The following RPS6KA2 variants were observed in gnomAD, a reference collection of about 807,000 sequenced individuals.
The protein encoded by RPS6KA2 is ribosomal protein S6 kinase alpha-2.
In RPS6KA2, 42 loss-of-function variants were observed where a neutral mutation model predicts 91.8. That is an observed-to-expected ratio of 0.46 (90% CI 0.36 to 0.59). The LOEUF (loss-of-function observed/expected upper bound fraction) is 0.59, where lower values mean the gene tolerates loss of function less well. RPS6KA2 is among the 20% of genes least tolerant of loss of function. The pLI is 0.00. For missense variants in RPS6KA2, 798 were observed against 978.5 expected, an observed-to-expected ratio of 0.82 and a Z score of 2.46; for synonymous variants, 414 against 393.6, an observed-to-expected ratio of 1.05 and a Z score of -0.61.
chr6:166,731,657 G>A (rs567698007), intron 2 of RPS6KA2, among the ~76,000 whole-genome samples: 1 of 152,116 alleles, frequency 6.6e-6, no homozygotes, highest in South Asian at 2.1e-4. Context: ...CCATTCCTCA[G>A]GAGGTAAATG....
At chr6:166,528,562 A>G (rs372060500) in intron 3 of RPS6KA2, among the ~76,000 whole-genome samples, 2 of 150,404 alleles carry the variant, frequency 1.3e-5, no homozygotes, top group South Asian at 2.2e-4. Context: ...AGCCAAAATT[A>G]ACAAATGGGA....
chr6:166,431,967 C>T lies in RPS6KA2; in HGVS notation c.1422+434G>A, dbSNP rs117143004. Among the ~76,000 whole-genome samples the T allele has an allele frequency of 8.2e-3, 1,255 of 152,252 alleles. 7 individuals are homozygous for T. Among genetic ancestry groups the T allele is most frequent in the Non-Finnish European group, 0.015 (1,003 of 68,010 alleles). On this transcript the variant is annotated intron_variant, in intron 15 of 20. Coordinates refer to ENST00000265678, the MANE Select transcript of RPS6KA2 (RefSeq NM_021135.6). ...TTATGCCAAGCTTGCATGTTAAGAC[C>T]GTTTGCACGCAGCAGTCACTATGCA... is the stretch of plus-strand genomic sequence containing the variant.
At chr6:166,587,357 A>G (rs1241976541) in intron 1 of RPS6KA2, among the ~76,000 whole-genome samples, 1 of 152,226 alleles carries the variant, frequency 6.6e-6, no homozygotes, top group Non-Finnish European at 1.5e-5. Flanking sequence ...GAAATGTACC[A>G]TCAAAATCAG....
intron 2 of RPS6KA2, among the ~76,000 whole-genome samples, chr6:166,697,018 G>A (rs1283785200): frequency 6.6e-6 from 1 of 151,980 alleles, no homozygotes; most frequent in African/African-American, 2.4e-5. Flanking sequence ...ATAGTTGTAC[G>A]AACCAATTCC....
At chr6:166,627,323 G>A, upstream of RPS6KA2, 1 of 729,264 alleles carries the variant, frequency 1.4e-6, no homozygotes, top group Non-Finnish European at 1.7e-6. Flanking sequence ...CCGCCGCTCC[G>A]CGCCCCGGCA....
chr6:166,823,716 C>A (rs1334025346), intron 2 of RPS6KA2, among the ~76,000 whole-genome samples: 1 of 152,220 alleles, frequency 6.6e-6, no homozygotes, highest in East Asian at 1.9e-4. Context: ...AGAAACTATG[C>A]AGTACAATGA....
intron 1 of RPS6KA2, among the ~76,000 whole-genome samples, chr6:166,540,720 C>G (rs921468038): frequency 6.6e-6 from 1 of 152,122 alleles, no homozygotes; most frequent in African/African-American, 2.4e-5. Context: ...CCATGCTAGC[C>G]ACCCGAGACT....
chr6:166,537,200 T>A (rs1247935092), intron 2 of RPS6KA2, among the ~76,000 whole-genome samples: 1 of 152,284 alleles, frequency 6.6e-6, no homozygotes, highest in East Asian at 1.9e-4. Context: ...ACAGGTGGAA[T>A]CTGTTCTCAA....
intron 2 of RPS6KA2, among the ~76,000 whole-genome samples, chr6:166,538,105 G>A (rs1333545656): frequency 2.0e-5 from 3 of 152,134 alleles, no homozygotes; most frequent in South Asian, 2.1e-4. Flanking sequence ...GGTGGGATTC[G>A]TGCCCTATTT....
At chr6:166,567,755 C>G (rs904773765) in intron 1 of RPS6KA2, among the ~76,000 whole-genome samples, 1 of 152,188 alleles carries the variant, frequency 6.6e-6, no homozygotes, top group African/African-American at 2.4e-5. Context: ...AAAACCTGTT[C>G]GGAGGAAACC....
At chr6:166,673,958 A>G (rs1788550708) in intron 2 of RPS6KA2, among the ~76,000 whole-genome samples, 1 of 152,180 alleles carries the variant, frequency 6.6e-6, no homozygotes, top group African/African-American at 2.4e-5. Context: ...AGCCATGAAC[A>G]TTTTCTCCTC....
intron 19 of RPS6KA2, among the ~76,000 whole-genome samples, chr6:166,416,682 C>T (rs1583103594): frequency 2.6e-5 from 1 of 38,300 alleles, no homozygotes. Flanking sequence ...TCCCTGCTCC[C>T]ACCATTACCT....
At chr6:166,564,487 C>T (rs1757476273) in intron 1 of RPS6KA2, among the ~76,000 whole-genome samples, 2 of 152,226 alleles carry the variant, frequency 1.3e-5, no homozygotes, top group African/African-American at 2.4e-5. Flanking sequence ...CATTCCCTGT[C>T]CGCCCCACGC....
At chr6:166,458,054 G>A (rs1780160065) in intron 12 of RPS6KA2, among the ~76,000 whole-genome samples, 1 of 152,206 alleles carries the variant, frequency 6.6e-6, no homozygotes, top group African/African-American at 2.4e-5. Flanking sequence ...CATACTGTTA[G>A]TGTTGTGGAC....
chr6:166,547,853 C>A (rs546759863), intron 1 of RPS6KA2, among the ~76,000 whole-genome samples: 1 of 152,368 alleles, frequency 6.6e-6, no homozygotes, highest in Admixed American at 6.5e-5. Context: ...GGGCCCTGAA[C>A]AGAAAGCCTG....
chr6:166,737,445 C>T lies in RPS6KA2; in HGVS notation c.123+120755G>A, dbSNP rs986976395. 4.6e-5 allele frequency among the ~76,000 whole-genome samples: 7 copies of T among 152,212 alleles called. No homozygotes were observed. Among genetic ancestry groups the T allele is most frequent in the Admixed American group, 2.6e-4 (4 of 15,286 alleles). On this transcript the variant is annotated intron_variant, in intron 2 of 21. Transcript: ENST00000503859. The surrounding 1 kb of genome is among the most constrained non-coding windows in gnomAD (Gnocchi z 4.3). ...GCCAGACACCTCGAGAAATGACGCA[C>T]GCCTTACTCATTTATAATCAGCATC... is the stretch of plus-strand genomic sequence containing the variant.
chr6:166,453,677 C>G (rs543772689), intron 12 of RPS6KA2, among the ~76,000 whole-genome samples: 1 of 152,150 alleles, frequency 6.6e-6, no homozygotes, highest in East Asian at 1.9e-4. Context: ...GAACTATATT[C>G]GATGCAGCAA....
In RPS6KA2 at chr6:166,508,328, T is replaced by G. The variant is rs1387163818; in HGVS notation, c.380-46A>C. The G allele has an allele frequency of 1.6e-6, 2 of 1,239,540 alleles. No homozygotes were observed. Among genetic ancestry groups the G allele is most frequent in the Non-Finnish European group, 2.4e-6 (2 of 840,688 alleles). The allele number at this position is 1,239,540 out of a possible 1,614,324, so 76.8% of individuals were successfully genotyped here. A position where few individuals can be genotyped will look rare whatever the true frequency, so the allele number is the denominator to read the frequency against. On this transcript the variant is annotated intron_variant, in intron 4 of 20. Coordinates refer to ENST00000265678, the MANE Select transcript of RPS6KA2 (RefSeq NM_021135.6). The surrounding 1 kb of genome is among the most constrained non-coding windows in gnomAD (Gnocchi z 4.3). Reference sequence around the variant, plus strand: ...CATTTTGACAGCTTGTCGAATGTCCTGTGGCAACATCGCTCTCTGGCTTCT... The same window carrying G: ...CATTTTGACAGCTTGTCGAATGTCCGGTGGCAACATCGCTCTCTGGCTTCT...
At chr6:166,420,017 C>T (rs548819712) in intron 17 of RPS6KA2, 59 bp from the exon 18 acceptor site, 5 of 1,510,954 alleles carry the variant, frequency 3.3e-6, no homozygotes, top group Middle Eastern at 1.7e-4. Context: ...AGATTGACAG[C>T]ACGTTTCTCC....
Sources: allele counts gnomAD v4.1 joint callset (sites outside exome capture counted in the v4.1 genomes callset), GRCh38; gene constraint gnomAD v4.1.1; non-coding constraint Gnocchi (gnomAD v3.1); transcripts MANE v1.5; gene names NCBI Gene and HGNC (gene_info 2026-07-23, HGNC 2026-07-21).